Variants in SRRM3 observed in about 807,000 individuals in gnomAD.
SRRM3 encodes serine/arginine repetitive matrix 3.
SRRM3 carries 27 observed loss-of-function variants against 66.2 expected under a neutral mutation model. The observed-to-expected ratio is 0.41, with a 90% CI of 0.30 to 0.56. SRRM3 has a LOEUF of 0.56. SRRM3 is among the 20% of genes least tolerant of loss of function. The pLI is 0.32. For missense variants in SRRM3, 918 were observed against 991.9 expected (o/e 0.93, Z 1.00); for synonymous variants, 391 against 414.9 (o/e 0.94, Z 0.70).
rs1554604695 is a variant in SRRM3, at chr7:76,235,231, G to A, written c.165G>A (p.Leu55=). 10 of 1,555,812 alleles carry A rather than the reference G, an allele frequency of 6.4e-6. No individual in the cohort carries two copies. In the Middle Eastern group the frequency reaches 1.5e-3, roughly 227 times the overall value. The change falls in exon 2 of 15, where the codon CTG becomes CTA. Residue 55 remains leucine (L), a synonymous_variant. Coordinates refer to ENST00000611745, the MANE Select transcript of SRRM3 (RefSeq NM_001110199.3). ...TGAAGCGCGCGCACCGCGAGATCCT[G>A]GACCACGAGCGCAAGCGGCGGGTGG... ...GLVKRAHREI[L]DHERKRRVEL...
intron 8 of SRRM3, among the ~76,000 whole-genome samples, chr7:76,264,032 C>T (rs1249339820): frequency 6.6e-6 from 1 of 151,876 alleles, no homozygotes; most frequent in African/African-American, 2.4e-5. Context: ...AGGCCACACC[C>T]CAATACTCAA....
chr7:76,240,074 G>C (rs1487184864), intron 2 of SRRM3, among the ~76,000 whole-genome samples: 13 of 151,934 alleles, frequency 8.6e-5, no homozygotes, highest in African/African-American at 3.1e-4. Flanking sequence ...GCTGAGGCAG[G>C]AGAATCGCTT....
At chr7:76,275,794 G>C (rs1174754392) in intron 11 of SRRM3, among the ~76,000 whole-genome samples, 1 of 152,070 alleles carries the variant, frequency 6.6e-6, no homozygotes, top group Non-Finnish European at 1.5e-5. Context: ...TTACCCAAAG[G>C]TTGGGCCCAG....
intron 7 of SRRM3, 38 bp from the exon 8 acceptor site, chr7:76,261,508 C>A (rs782607999): frequency 1.2e-6 from 2 of 1,607,782 alleles, no homozygotes; most frequent in Non-Finnish European, 1.7e-6. Flanking sequence ...CTGGGCCACC[C>A]CAGGCAGGCT....
intron 1 of SRRM3, among the ~76,000 whole-genome samples, chr7:76,204,662 C>A (rs1221124405): frequency 6.6e-6 from 1 of 152,176 alleles, no homozygotes; most frequent in Non-Finnish European, 1.5e-5. Context: ...AACTGAAGGA[C>A]TCTTGAACAT....
intron 2 of SRRM3, among the ~76,000 whole-genome samples, chr7:76,242,275 G>A (rs557751169): frequency 2.0e-5 from 3 of 152,176 alleles, no homozygotes; most frequent in African/African-American, 4.8e-5. Flanking sequence ...ACCTGAGGTC[G>A]GGAGTTCGAG....
At chr7:76,249,445 A>AG (rs1801519981) in intron 3 of SRRM3, among the ~76,000 whole-genome samples, 1 of 151,372 alleles carries the variant, frequency 6.6e-6, no homozygotes, top group South Asian at 2.1e-4. Flanking sequence ...ACAGGATAGG[A>AG]GGCACACCGG....
chr7:76,248,400 G>C, intron 3 of SRRM3, 111 bp downstream of exon 3: 1 of 697,380 alleles, frequency 1.4e-6, no homozygotes, highest in Non-Finnish European at 2.5e-6. Context: ...CTCAGGTGAG[G>C]GGGTGGAGAG....
At chr7:76,260,997 C>T (rs1312039778) in intron 6 of SRRM3, 94 bp downstream of exon 6, 4 of 1,337,278 alleles carry the variant, frequency 3.0e-6, no homozygotes, top group Non-Finnish European at 4.1e-6. Context: ...GAGGCCTGGA[C>T]CCTCAGGGCC....
intron 10 of SRRM3, among the ~76,000 whole-genome samples, chr7:76,266,314 AT>A (rs1554609649): frequency 8.5e-6 from 1 of 117,138 alleles, no homozygotes; most frequent in African/African-American, 3.6e-5. Flanking sequence ...ATATTAACAT[AT>A]TTTAATATAA....
At chr7:76,258,207 G>T (rs1350377565) in intron 3 of SRRM3, among the ~76,000 whole-genome samples, 1 of 152,188 alleles carries the variant, frequency 6.6e-6, no homozygotes, top group East Asian at 1.9e-4. Context: ...AGCAGGGGGG[G>T]CCCCTGGAGG....
intron 1 of SRRM3, among the ~76,000 whole-genome samples, chr7:76,232,024 C>T (rs1488324842): frequency 6.6e-6 from 1 of 152,174 alleles, no homozygotes; most frequent in East Asian, 1.9e-4. Context: ...TGCAAGATAG[C>T]ATTCGACAGA....
intron 11 of SRRM3, among the ~76,000 whole-genome samples, chr7:76,278,932 G>A (rs1802429586): frequency 6.6e-6 from 1 of 152,166 alleles, no homozygotes; most frequent in African/African-American, 2.4e-5. Flanking sequence ...CTGAGAGGTG[G>A]CAGCATCTTT....
At chr7:76,278,001 A>G (rs1294268391) in intron 11 of SRRM3, among the ~76,000 whole-genome samples, 2 of 152,218 alleles carry the variant, frequency 1.3e-5, no homozygotes, top group African/African-American at 4.8e-5. Flanking sequence ...GACCCAGGGT[A>G]TAGGACAGAA....
At chr7:76,231,830 G>T (rs1385425092) in intron 1 of SRRM3, among the ~76,000 whole-genome samples, 1 of 152,076 alleles carries the variant, frequency 6.6e-6, no homozygotes, top group African/African-American at 2.4e-5. Flanking sequence ...TGATTTTTGG[G>T]CTGGGCCCTG....
intron 2 of SRRM3, among the ~76,000 whole-genome samples, chr7:76,243,541 G>A (rs375027540): frequency 2.0e-5 from 3 of 152,088 alleles, no homozygotes; most frequent in Non-Finnish European, 2.9e-5. Flanking sequence ...ACTCCAGGAC[G>A]ACCCCCAGCC....
At chr7:76,267,683 G>T in intron 11 of SRRM3, 1 of 382,382 alleles carries the variant, frequency 2.6e-6, no homozygotes, top group Non-Finnish European at 4.6e-6. Flanking sequence ...CCACCCTTGC[G>T]CTTGGCAAAC....
intron 1 of SRRM3, among the ~76,000 whole-genome samples, chr7:76,224,943 A>G (rs1236034748): frequency 6.6e-6 from 1 of 152,170 alleles, no homozygotes; most frequent in African/African-American, 2.4e-5. Context: ...TAACTTCCCC[A>G]CATCCCGTTA....
intron 2 of SRRM3, among the ~76,000 whole-genome samples, chr7:76,238,085 C>G (rs75620458): frequency 0.016 from 2,493 of 152,298 alleles, 79 homozygotes; most frequent in African/African-American, 0.056. Flanking sequence ...CCTGCCCTCC[C>G]CATCCTCAGC....
Sources: gnomAD v4.1 joint callset for allele counts (sites outside exome capture counted in the v4.1 genomes callset) on GRCh38, gnomAD v4.1.1 for gene constraint, MANE v1.5 for transcripts, NCBI Gene and HGNC (gene_info 2026-07-23, HGNC 2026-07-21) for gene names.